MYO15A: variants seen among roughly 807,000 people sequenced by gnomAD.
MYO15A encodes myosin XVA, also known as unconventional myosin-XV.
MYO15A carries 308 observed loss-of-function variants against 394.6 expected under a neutral mutation model. The ratio of observed to expected loss-of-function variants is 0.78; its 90% CI spans 0.71 to 0.86. The LOEUF is 0.86. MYO15A is among the 40% of genes least tolerant of loss of function. The pLI, the probability that MYO15A is intolerant of heterozygous loss-of-function variation, is 0.00. For missense variants in MYO15A, 4,606 were observed against 4,799.1 expected, an observed-to-expected ratio of 0.96 and a Z score of 1.19; for synonymous variants, 1,957 against 2,003.8, an observed-to-expected ratio of 0.98 and a Z score of 0.62.
chr17:18,133,463 C>T, intron 12 of MYO15A, 77 bp downstream of exon 12: 1 of 1,570,122 alleles, frequency 6.4e-7, no homozygotes, highest in South Asian at 1.1e-5. Context: ...TTCTCTGTTT[C>T]CCTTTCAGAT....
In MYO15A at chr17:18,178,955, AC is replaced by A; in HGVS notation, c.*89del. 7.2e-7 allele frequency: 1 copy of A among 1,388,002 alleles called. No homozygotes were observed. Among genetic ancestry groups the A allele is most frequent in the Non-Finnish European group, 1.0e-6 (1 of 1,000,396 alleles). The allele number at this position is 1,388,002 out of a possible 1,614,324, so 86.0% of individuals were successfully genotyped here. On this transcript the variant is annotated 3_prime_UTR_variant, in exon 66 of 66. Transcript: ENST00000647165. ...ATCACTGAACCTCTCAGGATCAATG[AC>A]CCCTGTAAGGGGCCAGAGCCTTGGA...
chr17:18,141,566 C>A, intron 22 of MYO15A, 87 bp from the exon 23 acceptor site: 1 of 1,284,844 alleles, frequency 7.8e-7, no homozygotes, highest in Non-Finnish European at 1.1e-6. Context: ...GCTTTTTGGA[C>A]ACCTGGCTGG....
chr17:18,115,095 G>A (rs574623725), intron 1 of MYO15A, among the ~76,000 whole-genome samples: 6 of 152,240 alleles, frequency 3.9e-5, no homozygotes, highest in African/African-American at 1.4e-4. Context: ...CATTCTCCCT[G>A]ATGTTCAGTA....
chr17:18,111,500 A>C (rs917229521), intron 1 of MYO15A, among the ~76,000 whole-genome samples: 1 of 152,214 alleles, frequency 6.6e-6, no homozygotes, highest in Non-Finnish European at 1.5e-5. Flanking sequence ...ATGCACAAGT[A>C]ATATTTAAGG....
intron 62 of MYO15A, 23 bp downstream of exon 62, chr17:18,167,746 C>G (rs1408622393): frequency 6.2e-7 from 1 of 1,601,400 alleles, no homozygotes; most frequent in Non-Finnish European, 8.5e-7. Flanking sequence ...CCTCCTGCCT[C>G]AGCTGGGGTG....
At chr17:18,161,258 C>T (rs939999365) in intron 56 of MYO15A, 59 bp from the exon 57 acceptor site, 1 of 1,596,524 alleles carries the variant, frequency 6.3e-7, no homozygotes, top group Non-Finnish European at 8.5e-7. Context: ...TCCCAGGAGG[C>T]TCTTGGCACA....
chr17:18,116,736 C>T (rs12952913), intron 1 of MYO15A, among the ~76,000 whole-genome samples: 4,996 of 152,126 alleles, frequency 0.033, 139 homozygotes, highest in Non-Finnish European at 0.053. Flanking sequence ...TCCCGGCCAA[C>T]ATGGTAAAAA....
chr17:18,176,728 G>A (rs916455553), intron 65 of MYO15A: 1 of 151,700 alleles, frequency 6.6e-6, no homozygotes, highest in South Asian at 2.1e-4. Context: ...TAGAGACGGG[G>A]TTTCACCATG....
intron 58 of MYO15A, among the ~76,000 whole-genome samples, chr17:18,163,043 C>G (rs369157566): frequency 7.2e-5 from 11 of 152,282 alleles, no homozygotes; most frequent in African/African-American, 2.6e-4. Context: ...ATGGGAGACA[C>G]AAGCCCTGCC....
chr17:18,169,157 T>TAATAATA (rs369888022), intron 62 of MYO15A, among the ~76,000 whole-genome samples: 11 of 92,148 alleles, frequency 1.2e-4, no homozygotes, highest in South Asian at 3.1e-4. Context: ...ATAATAATAA[T>TAATAATA]AAAAATAGGC....
rs572083065 is a variant in MYO15A at position 18,113,285 on chromosome 17, G to A, written c.-220+4461G>A. Among the ~76,000 whole-genome samples the A allele has an allele frequency of 1.1e-4, 16 of 152,074 alleles. No individual in the cohort carries two copies. The South Asian group carries it at 1.7e-3, about 16-fold the overall frequency. On this transcript the variant is annotated intron_variant, in intron 1 of 65. Coordinates refer to ENST00000647165, the MANE Select transcript of MYO15A (RefSeq NM_016239.4). ...TCCCACTTCAGCCTCCTGAGTAGCT[G>A]GGCCTACAGGTGCTTGCCACCTGTA...
chr17:18,119,526 C>T lies in MYO15A; in HGVS notation c.726C>T (p.Gly242=), dbSNP rs996680421. 4 of 1,610,320 alleles carry T rather than the reference C, an allele frequency of 2.5e-6. No individual in the cohort carries two copies. The highest frequency in any genetic ancestry group is 3.4e-6 in the Non-Finnish European group (4 of 1,179,972). Residue 242 remains glycine (G), a synonymous_variant, in exon 2 of 66, where the codon GGC becomes GGT. Transcript: ENST00000647165. ...LGEYYDYHRD[G]DDYYDRQSLH... is the part of the protein sequence containing the mutation. Reference sequence around the variant, plus strand: ...AGTATTATGACTATCACCGCGACGGCGACGACTACTACGACCGGCAGTCAC... The same window carrying T: ...AGTATTATGACTATCACCGCGACGGTGACGACTACTACGACCGGCAGTCAC...
rs2046507145 is a variant in MYO15A at position 18,147,868 on chromosome 17, T to G, written c.6510-161T>G. The stretch of plus-strand genomic sequence containing the variant: ...GCACTGGACTCTAGCCTGGGACCCT[T>G]GTGAACCAGCCTGGAGCCTTTTTAG... On this transcript the variant is annotated intron_variant, in intron 30 of 65. Coordinates refer to ENST00000647165, the MANE Select transcript of MYO15A (RefSeq NM_016239.4). The surrounding 1 kb of genome is among the most constrained non-coding windows in gnomAD (Gnocchi z 4.4). Among the ~76,000 whole-genome samples the G allele has an allele frequency of 6.6e-6, 1 of 152,162 alleles. No individual in the cohort carries two copies. Among genetic ancestry groups the G allele is most frequent in the Non-Finnish European group, 1.5e-5 (1 of 68,012 alleles).
At position 18,132,438 on chromosome 17, in the gene MYO15A, C is replaced by G. The variant is rs1487018726; in HGVS notation, c.4207-15C>G. The G allele has an allele frequency of 6.2e-7, 1 of 1,611,708 alleles. No homozygotes were observed. Among genetic ancestry groups the G allele is most frequent in the Non-Finnish European group, 8.5e-7 (1 of 1,178,416 alleles). On this transcript the variant is annotated splice_polypyrimidine_tract_variant and intron_variant, in intron 10 of 65. Transcript: ENST00000647165. The surrounding 1 kb of genome is among the most constrained non-coding windows in gnomAD (Gnocchi z 4.6). ...AGGTGGCTCCCTTCTCTGTGCCCACCTACCCACTCTACAGGCCAAAAACGA... is the reference window on the plus strand; with the variant it reads ...AGGTGGCTCCCTTCTCTGTGCCCACGTACCCACTCTACAGGCCAAAAACGA...
Position 18,153,887 on chromosome 17 carries a change from G to T in MYO15A, c.8079G>T (p.Leu2693=), listed in dbSNP as rs1394482066. ...AGGACGCCCCCTGGAAGATCTTCCT[G>T]CGCAAAGAGGTGCCGAGCACAGCCG... ...GYQDAPWKIF[L]RKEVFYPKDS... Residue 2693 remains leucine, a synonymous_variant, in exon 43 of 66, where the codon CTG becomes CTT. Transcript: ENST00000647165. The surrounding 1 kb of genome is among the most constrained non-coding windows in gnomAD (Gnocchi z 4.1). The T allele has an allele frequency of 2.5e-6, 4 of 1,613,470 alleles. No homozygotes were observed. Among genetic ancestry groups the T allele is most frequent in the Non-Finnish European group, 3.4e-6 (4 of 1,180,020 alleles).
In MYO15A at chr17:18,148,131, C is replaced by A. The variant is rs752560714; in HGVS notation, c.6612C>A (p.Arg2204=). The A allele has an allele frequency of 3.7e-6, 6 of 1,613,860 alleles. No individual in the cohort carries two copies. The South Asian group carries it at 5.5e-5, about 15-fold the overall frequency. Residue 2204 remains arginine (R), a synonymous_variant, in exon 31 of 66, where the codon CGC becomes CGA. Transcript: ENST00000647165. The surrounding 1 kb of genome is among the most constrained non-coding windows in gnomAD (Gnocchi z 4.8). ...AACAGCAGGGCTCGGGGGCTGCCCG[C>A]ACCTTACCCCCGACCCAGCTCGAGT... ...RAQQQGSGAA[R]TLPPTQLEWT... is the part of the protein sequence containing the mutation.
At position 18,127,210 on chromosome 17, in the gene MYO15A, G is replaced by A. The variant is rs854793; in HGVS notation, c.4032+45G>A. ...CAGGACCCTAGGCTGAACACCCTTTGATAAGCACACCTCATGTACTCCCGA... is the reference window on the plus strand; with the variant it reads ...CAGGACCCTAGGCTGAACACCCTTTAATAAGCACACCTCATGTACTCCCGA... On this transcript the variant is annotated intron_variant, in intron 7 of 65. Coordinates refer to ENST00000647165, the MANE Select transcript of MYO15A (RefSeq NM_016239.4). 422,278 of 1,602,060 alleles carry A rather than the reference G, an allele frequency of 0.26. 60,439 individuals carry two copies. Among genetic ancestry groups the A allele is most frequent in the South Asian group, 0.49 (44,536 of 90,408 alleles).
rs1211697359 is a variant in MYO15A, at chr17:18,173,880, G to GA, written c.10451dup (p.Asp3484GlufsTer34). On this transcript the variant is annotated frameshift_variant, in exon 65 of 66. Transcript: ENST00000647165. LOFTEE classifies it high-confidence loss of function. ...CCCCTATGTGGAGATTGCGCTGGGGGACGTGGCGGCCCAGCGCACCTTGCA... is the reference window on the plus strand; with the variant it reads ...CCCCTATGTGGAGATTGCGCTGGGGGAACGTGGCGGCCCAGCGCACCTTGCA... 1.2e-6 allele frequency: 2 copies of GA among 1,613,012 alleles called. No individual in the cohort carries two copies. The highest frequency in any genetic ancestry group is 1.1e-5 in the South Asian group (1 of 91,018).
chr17:18,139,759 TGTTCC>T, intron 19 of MYO15A, 148 bp downstream of exon 19: 6 of 932,962 alleles, frequency 6.4e-6, no homozygotes, highest in Non-Finnish European at 1.0e-5. Context: ...CTGGACACCC[TGTTCC>T]TGGCCTGTTC....
Sources: gnomAD v4.1 joint callset for allele counts (sites outside exome capture counted in the v4.1 genomes callset) on GRCh38, gnomAD v4.1.1 for gene constraint, Gnocchi (gnomAD v3.1) non-coding constraint, MANE v1.5 for transcripts, NCBI Gene and HGNC (gene_info 2026-07-23, HGNC 2026-07-21) for gene names.